KCNQ5: variants seen among roughly 807,000 people sequenced by gnomAD.
The protein encoded by KCNQ5 is potassium voltage-gated channel subfamily Q member 5.
A neutral mutation model predicts 98.2 loss-of-function variants in KCNQ5; 30 were observed. The observed-to-expected ratio is 0.31, with a 90% CI of 0.23 to 0.41. KCNQ5 has a LOEUF of 0.41. Among genes scored for constraint, KCNQ5 ranks in the 10% least tolerant of loss-of-function variants. The pLI, the probability that KCNQ5 is intolerant of heterozygous loss-of-function variation, is 1.00. For missense variants in KCNQ5, 835 were observed against 1,182.5 expected, an observed-to-expected ratio of 0.71 and a Z score of 4.31; for synonymous variants, 458 against 449.4, an observed-to-expected ratio of 1.02 and a Z score of -0.24.
chr6:73,023,091 G>A (rs191198740), intron 2 of KCNQ5, among the ~76,000 whole-genome samples: 190 of 152,310 alleles, frequency 1.2e-3, no homozygotes, highest in Non-Finnish European at 2.2e-3. Context: ...AGAAATGGAG[G>A]CTGCTGCATT....
intron 1 of KCNQ5, among the ~76,000 whole-genome samples, chr6:72,832,137 A>G (rs1267379192): frequency 6.6e-6 from 1 of 152,126 alleles, no homozygotes; most frequent in Non-Finnish European, 1.5e-5. Flanking sequence ...CTAAAGATGC[A>G]TATTTGAGAA....
chr6:73,135,471 A>AT (rs1776431793), intron 10 of KCNQ5: 2 of 150,924 alleles, frequency 1.3e-5, no homozygotes. Flanking sequence ...AGAAAAAAAA[A>AT]ACTAGCCCTT....
At chr6:72,858,881 T>C (rs1777638992) in intron 1 of KCNQ5, among the ~76,000 whole-genome samples, 1 of 152,168 alleles carries the variant, frequency 6.6e-6, no homozygotes, top group Non-Finnish European at 1.5e-5. Flanking sequence ...TTAATTTCAT[T>C]GTGTCAATGC....
At chr6:72,705,590 G>GTT (rs758036031) in intron 1 of KCNQ5, among the ~76,000 whole-genome samples, 23 of 93,118 alleles carry the variant, frequency 2.5e-4, no homozygotes, top group African/African-American at 1.5e-3. Context: ...TGTTGTTTTT[G>GTT]TTTTTTTTTT....
At chr6:72,623,004 G>T (rs911040238) in intron 1 of KCNQ5, among the ~76,000 whole-genome samples, 1 of 152,140 alleles carries the variant, frequency 6.6e-6, no homozygotes, top group African/African-American at 2.4e-5. Flanking sequence ...AGGTTAGGAG[G>T]TGATGGCGGG....
intron 2 of KCNQ5, among the ~76,000 whole-genome samples, chr6:73,017,625 G>A (rs899049552): frequency 3.3e-5 from 5 of 152,128 alleles, no homozygotes; most frequent in African/African-American, 1.2e-4. Flanking sequence ...TTACAGGCTG[G>A]ATTCAATGAA....
intron 2 of KCNQ5, among the ~76,000 whole-genome samples, chr6:73,020,999 C>T (rs1582203750): frequency 6.6e-6 from 1 of 152,140 alleles, no homozygotes; most frequent in African/African-American, 2.4e-5. Context: ...TGTCTCTGTG[C>T]CTTTAAAAAT....
intron 11 of KCNQ5, among the ~76,000 whole-genome samples, chr6:73,187,494 C>A (rs759130366): frequency 3.3e-5 from 5 of 152,122 alleles, no homozygotes; most frequent in Non-Finnish European, 5.9e-5. Flanking sequence ...CTATTTAATT[C>A]TCATACATAA....
At chr6:72,945,330 G>A (rs1464306519) in intron 1 of KCNQ5, among the ~76,000 whole-genome samples, 2 of 151,770 alleles carry the variant, frequency 1.3e-5, no homozygotes, top group East Asian at 3.9e-4. Flanking sequence ...GTATACATGT[G>A]CCATGTTGGT....
At chr6:73,131,096 A>G (rs947121410) in intron 9 of KCNQ5, among the ~76,000 whole-genome samples, 62 of 152,148 alleles carry the variant, frequency 4.1e-4, no homozygotes, top group Non-Finnish European at 4.6e-4. Flanking sequence ...ACATTTTCCA[A>G]TTTATTCATA....
chr6:72,654,310 G>A (rs1409230277), intron 1 of KCNQ5, among the ~76,000 whole-genome samples: 3 of 151,968 alleles, frequency 2.0e-5, no homozygotes, highest in African/African-American at 7.2e-5. Context: ...AGTAATTGTA[G>A]TGAAGATGGA....
intron 1 of KCNQ5, among the ~76,000 whole-genome samples, chr6:72,731,567 C>T (rs369854033): frequency 6.6e-6 from 1 of 152,290 alleles, no homozygotes; most frequent in East Asian, 1.9e-4. Context: ...CCCAAGTTTG[C>T]CTCATGGTTC....
chr6:73,187,355 G>A lies in KCNQ5; in HGVS notation c.1578-3218G>A, dbSNP rs1307562350. Among the ~76,000 whole-genome samples, 5 of 152,102 alleles carry A rather than the reference G, an allele frequency of 3.3e-5. No individual in the cohort carries two copies. The South Asian group carries it at 6.2e-4, about 19-fold the overall frequency. On this transcript the variant is annotated intron_variant, in intron 11 of 13. Coordinates refer to ENST00000370398, the MANE Select transcript of KCNQ5 (RefSeq NM_019842.4). ...ATTACAGGCGTGAGCCACCACGCCC[G>A]GCCTAATAACCACCAAAATTCTTAA... is the stretch of plus-strand genomic sequence containing the variant.
chr6:72,985,191 G>A lies in KCNQ5; in HGVS notation c.399-18717G>A, dbSNP rs537266484. 2.6e-5 allele frequency among the ~76,000 whole-genome samples: 4 copies of A among 152,304 alleles called. No homozygotes were observed. In the South Asian group the frequency reaches 6.2e-4, roughly 24 times the overall value. On this transcript the variant is annotated intron_variant, in intron 1 of 13. Transcript: ENST00000370398. Reference sequence around the variant, plus strand: ...ACTGTACACCAGTGTGGGCGACAGCGCAATATGTTGTGACACATGCACCAA... The same window carrying A: ...ACTGTACACCAGTGTGGGCGACAGCACAATATGTTGTGACACATGCACCAA...
At chr6:72,875,422 T>A (rs9442860) in intron 1 of KCNQ5, among the ~76,000 whole-genome samples, 13,872 of 152,252 alleles carry the variant, frequency 0.091, 1,197 homozygotes, top group African/African-American at 0.21. Flanking sequence ...AGACTCTAAT[T>A]GTTTATTTCC....
At chr6:72,858,932 T>C (rs1362142986) in intron 1 of KCNQ5, among the ~76,000 whole-genome samples, 3 of 152,202 alleles carry the variant, frequency 2.0e-5, no homozygotes, top group Non-Finnish European at 2.9e-5. Flanking sequence ...TTATGTAAGA[T>C]GTTGCCATGG....
chr6:72,841,082 A>G (rs1776767718), intron 1 of KCNQ5, among the ~76,000 whole-genome samples: 1 of 152,206 alleles, frequency 6.6e-6, no homozygotes, highest in African/African-American at 2.4e-5. Flanking sequence ...AGAATTGCCA[A>G]GAAAGTCCAA....
chr6:73,096,958 A>C (rs1350386246), intron 5 of KCNQ5, among the ~76,000 whole-genome samples: 2 of 152,036 alleles, frequency 1.3e-5, no homozygotes, highest in Non-Finnish European at 2.9e-5. Flanking sequence ...CAGGAGAATC[A>C]CTTGAACCTG....
intron 1 of KCNQ5, among the ~76,000 whole-genome samples, chr6:72,943,050 A>G (rs1300212484): frequency 6.6e-6 from 1 of 152,222 alleles, no homozygotes; most frequent in Admixed American, 6.5e-5. Flanking sequence ...ACTAAAGGCA[A>G]TTCAACATTA....
Sources: allele counts gnomAD v4.1 joint callset (sites outside exome capture counted in the v4.1 genomes callset), GRCh38; gene constraint gnomAD v4.1.1; transcripts MANE v1.5; gene names NCBI Gene and HGNC (gene_info 2026-07-23, HGNC 2026-07-21).